Variants in EHBP1 observed in about 807,000 individuals in gnomAD.
The protein encoded by EHBP1 is EH domain binding protein 1, also known as EH domain-binding protein 1.
Under a neutral mutation model 144.0 loss-of-function variants are expected in EHBP1, and 55 were observed. The ratio of observed to expected loss-of-function variants is 0.38; its 90% confidence interval spans 0.31 to 0.48. The LOEUF (loss-of-function observed/expected upper bound fraction) is 0.48. EHBP1 is among the 20% of genes least tolerant of loss of function. The pLI is 0.98. For missense variants in EHBP1, 1,200 were observed against 1,364.2 expected (o/e 0.88, Z 1.90); for synonymous variants, 469 against 472.7 (o/e 0.99, Z 0.10).
rs2153089308 is a variant in EHBP1, at chr2:62,948,293, C to T, written c.1447C>T (p.Arg483Ter). ...TGGATTTGCCAGCATAGGAATTTCCCGATTATTGGAACCTTCTGATATGGT... is the reference window on the plus strand; with the variant it reads ...TGGATTTGCCAGCATAGGAATTTCCTGATTATTGGAACCTTCTGATATGGT... ...YDGFASIGIS[R>*]LLEPSDMVLL... The change falls in exon 13 of 23, where the codon CGA becomes TGA. Residue 483 changes from arginine (R) to a stop codon, truncating the protein, a stop_gained. Transcript: ENST00000431489. LOFTEE classifies it high-confidence loss of function. 5.7e-6 allele frequency: 9 copies of T among 1,582,374 alleles called. No homozygotes were observed. Among genetic ancestry groups the T allele is most frequent in the Non-Finnish European group, 7.7e-6 (9 of 1,164,004 alleles).
chr2:62,827,226 C>T (rs576703102), intron 6 of EHBP1, among the ~76,000 whole-genome samples: 1 of 152,334 alleles, frequency 6.6e-6, no homozygotes, highest in African/African-American at 2.4e-5. Flanking sequence ...AACAGTAAGC[C>T]TCCTCTCTGG....
intron 5 of EHBP1, among the ~76,000 whole-genome samples, chr2:62,787,462 T>C (rs925115342): frequency 7.2e-6 from 1 of 139,712 alleles, no homozygotes; most frequent in Non-Finnish European, 1.5e-5. Flanking sequence ...TTTGTCTATA[T>C]TGAAGAAAGC....
At chr2:62,996,573 G>A in intron 18 of EHBP1, 70 bp from the exon 19 acceptor site, 9 of 1,597,730 alleles carry the variant, frequency 5.6e-6, no homozygotes, top group Non-Finnish European at 7.7e-6. Context: ...GCTTTACTAA[G>A]TGTTTGTAGA....
chr2:62,742,295 A>C (rs1356245107), intron 2 of EHBP1, among the ~76,000 whole-genome samples: 1 of 152,152 alleles, frequency 6.6e-6, no homozygotes, highest in African/African-American at 2.4e-5. Context: ...GCATCATTTT[A>C]TATAAGGGAC....
intron 10 of EHBP1, among the ~76,000 whole-genome samples, chr2:62,918,609 G>C (rs1393094904): frequency 6.6e-6 from 1 of 152,204 alleles, no homozygotes; most frequent in Non-Finnish European, 1.5e-5. Context: ...TCTGAAAATG[G>C]TGCTTTAGTT....
chr2:62,902,829 G>A (rs1278487352), intron 10 of EHBP1, among the ~76,000 whole-genome samples: 4 of 152,060 alleles, frequency 2.6e-5, no homozygotes, highest in Admixed American at 6.6e-5. Context: ...ATTATATTTT[G>A]CTTTGTTTCA....
At chr2:62,829,571 T>TTGTG (rs56847662) in intron 6 of EHBP1, among the ~76,000 whole-genome samples, 143 of 142,470 alleles carry the variant, frequency 1.0e-3, no homozygotes, top group South Asian at 3.7e-3. Context: ...GTGTTCTATG[T>TTGTG]TGTGTGTGTG....
intron 4 of EHBP1, among the ~76,000 whole-genome samples, chr2:62,768,664 C>G (rs1434434938): frequency 6.6e-6 from 1 of 152,148 alleles, no homozygotes; most frequent in Non-Finnish European, 1.5e-5. Flanking sequence ...CCAACTCATT[C>G]TATGAGGTCA....
chr2:62,696,142 TTCTCTCTCTC>T (rs560824913), intron 1 of EHBP1, among the ~76,000 whole-genome samples: 8 of 132,436 alleles, frequency 6.0e-5, no homozygotes, highest in African/African-American at 1.6e-4. Context: ...CTCCCTTCCT[TTCTCTCTCTC>T]TCTCTCTCTC....
chr2:62,955,087 C>T (rs1010289696), intron 13 of EHBP1, among the ~76,000 whole-genome samples: 28 of 151,818 alleles, frequency 1.8e-4, no homozygotes, highest in African/African-American at 5.1e-4. Flanking sequence ...AAAGGATTAT[C>T]GCCACAGATA....
At chr2:62,748,668 A>C (rs917644397) in intron 3 of EHBP1, among the ~76,000 whole-genome samples, 1 of 152,102 alleles carries the variant, frequency 6.6e-6, no homozygotes, top group African/African-American at 2.4e-5. Context: ...TAAAAACAAA[A>C]TTCTGTTCTA....
At chr2:63,021,140 A>C (rs2060727595) in intron 19 of EHBP1, among the ~76,000 whole-genome samples, 2 of 150,880 alleles carry the variant, frequency 1.3e-5, no homozygotes, top group African/African-American at 4.9e-5. Context: ...TTTACTTTAA[A>C]TTTTCCTTAG....
At chr2:62,831,398 A>G (rs977715823) in intron 7 of EHBP1, among the ~76,000 whole-genome samples, 2 of 152,246 alleles carry the variant, frequency 1.3e-5, no homozygotes, top group East Asian at 1.9e-4. Context: ...TTCTTGAATT[A>G]TAATACAAAG....
At chr2:62,976,169 A>T (rs1217140389) in intron 14 of EHBP1, among the ~76,000 whole-genome samples, 1 of 152,076 alleles carries the variant, frequency 6.6e-6, no homozygotes, top group African/African-American at 2.4e-5. Context: ...AATTCATTGC[A>T]GTCATTTTTG....
At chr2:62,964,357 T>C (rs1282476756) in intron 14 of EHBP1, among the ~76,000 whole-genome samples, 1 of 152,246 alleles carries the variant, frequency 6.6e-6, no homozygotes, top group Non-Finnish European at 1.5e-5. Flanking sequence ...TCCATATGGC[T>C]GTTCAGTGCC....
chr2:62,868,783 TA>T (rs919417071), intron 9 of EHBP1, among the ~76,000 whole-genome samples: 35 of 150,596 alleles, frequency 2.3e-4, no homozygotes, highest in African/African-American at 7.1e-4. Flanking sequence ...GTCTATCTCT[TA>T]AAAAAAAAAT....
At chr2:62,761,091 C>T (rs2040731745) in intron 3 of EHBP1, among the ~76,000 whole-genome samples, 1 of 151,402 alleles carries the variant, frequency 6.6e-6, no homozygotes, top group Non-Finnish European at 1.5e-5. Flanking sequence ...TATAAGTTTT[C>T]AGAATTAAGT....
chr2:62,843,938 A>C (rs1005844856), intron 7 of EHBP1, among the ~76,000 whole-genome samples: 12 of 152,214 alleles, frequency 7.9e-5, no homozygotes, highest in African/African-American at 2.9e-4. Flanking sequence ...TGTTATTGAC[A>C]CAGTTTTTAT....
intron 21 of EHBP1, among the ~76,000 whole-genome samples, chr2:63,039,867 C>T (rs1275045247): frequency 1.3e-5 from 2 of 152,024 alleles, no homozygotes; most frequent in Non-Finnish European, 2.9e-5. Flanking sequence ...ATTTGTATAT[C>T]CTCATTTATA....
Sources: allele counts gnomAD v4.1 joint callset (sites outside exome capture counted in the v4.1 genomes callset), GRCh38; gene constraint gnomAD v4.1.1; transcripts MANE v1.5; gene names NCBI Gene and HGNC (gene_info 2026-07-23, HGNC 2026-07-21).